The following GULP1 variants were observed in gnomAD, a reference collection of about 807,000 sequenced individuals.
GULP1 encodes the protein PTB domain-containing engulfment adapter protein 1.
GULP1 carries 19 observed loss-of-function variants against 40.9 expected under a neutral mutation model. The ratio of observed to expected loss-of-function variants is 0.46; its 90% CI spans 0.32 to 0.68. The LOEUF is 0.68. Among genes scored for constraint, GULP1 ranks in the 30% least tolerant of loss-of-function variants. The pLI is 0.03. For missense variants in GULP1, 312 were observed against 362.2 expected (o/e 0.86, Z 1.12); for synonymous variants, 119 against 117.6 (o/e 1.01, Z -0.08).
chr2:188,519,032 A>T (rs2065464508), intron 4 of GULP1, among the ~76,000 whole-genome samples: 1 of 152,142 alleles, frequency 6.6e-6, no homozygotes, highest in Non-Finnish European at 1.5e-5. Flanking sequence ...TTTAATCTAT[A>T]TATCATGATT....
Position 188,384,878 on chromosome 2 carries a change from A to C in GULP1, c.-45+989A>C, listed in dbSNP as rs372026916. On this transcript the variant is annotated intron_variant, in intron 2 of 11. Transcript: ENST00000409830. ...TCTCACATCCAGATCACGCTGATGT[A>C]AGAGGTGAGTTCCCATGGTCTTGGG... Among the ~76,000 whole-genome samples, 33 of 152,324 alleles carry C rather than the reference A, an allele frequency of 2.2e-4. 1 individual carries two copies. The highest frequency in any genetic ancestry group is 7.9e-4 in the African/African-American group (33 of 41,584).
At chr2:188,364,023 G>C (rs1201521470) in intron 1 of GULP1, among the ~76,000 whole-genome samples, 1 of 152,180 alleles carries the variant, frequency 6.6e-6, no homozygotes, top group Non-Finnish European at 1.5e-5. Flanking sequence ...TACATTCAGT[G>C]CACTTAATGT....
chr2:188,560,936 C>T (rs1436457371), intron 7 of GULP1, among the ~76,000 whole-genome samples: 1 of 152,208 alleles, frequency 6.6e-6, no homozygotes, highest in Non-Finnish European at 1.5e-5. Flanking sequence ...AGAAATTCAC[C>T]CCCATGATCC....
intron 1 of GULP1, among the ~76,000 whole-genome samples, chr2:188,354,559 T>G (rs1275530134): frequency 6.6e-6 from 1 of 152,118 alleles, no homozygotes; most frequent in African/African-American, 2.4e-5. Context: ...GCCTAGGACC[T>G]CAGCTTCACA....
intron 2 of GULP1, among the ~76,000 whole-genome samples, chr2:188,414,062 C>T (rs556104645): frequency 1.3e-5 from 2 of 151,690 alleles, no homozygotes; most frequent in African/African-American, 4.8e-5. Flanking sequence ...ACTAAAAATA[C>T]AAAAATTAGT....
chr2:188,404,813 C>G (rs1303624389), intron 2 of GULP1, among the ~76,000 whole-genome samples: 3 of 152,140 alleles, frequency 2.0e-5, no homozygotes, highest in African/African-American at 4.8e-5. Context: ...CAGGCCCACC[C>G]TAGGTTCCAG....
chr2:188,395,292 T>C (rs1416901688), intron 2 of GULP1, among the ~76,000 whole-genome samples: 1 of 152,230 alleles, frequency 6.6e-6, no homozygotes, highest in Non-Finnish European at 1.5e-5. Context: ...TCTGCACAAA[T>C]GTGCATATTC....
rs1010379796 is a variant in GULP1 at position 188,292,815 on chromosome 2, G to A, written c.-172+649G>A. 1.3e-5 allele frequency: 2 copies of A among 152,524 alleles called. No homozygotes were observed. The highest frequency in any genetic ancestry group is 1.9e-4 in the East Asian group (1 of 5,180). 9.4% of individuals were successfully genotyped at this position (152,524 alleles called of 1,614,324 possible). On this transcript the variant is annotated intron_variant, in intron 1 of 11. Transcript: ENST00000409830. The surrounding 1 kb of genome is among the most constrained non-coding windows in gnomAD (Gnocchi z 4.0). ...CACATGGTTACCCTTCTGCTGCGCG[G>A]GTCAAGTAGCTTCTTCTGGAGGGCG... is the stretch of plus-strand genomic sequence containing the variant.
At chr2:188,382,921 A>G (rs770916376) in intron 1 of GULP1, among the ~76,000 whole-genome samples, 8 of 152,288 alleles carry the variant, frequency 5.3e-5, no homozygotes, top group Admixed American at 1.3e-4. Context: ...AGATAAAATA[A>G]TATTTGAGAT....
At chr2:188,371,287 A>G (rs2047571149) in intron 1 of GULP1, among the ~76,000 whole-genome samples, 1 of 152,172 alleles carries the variant, frequency 6.6e-6, no homozygotes, top group Non-Finnish European at 1.5e-5. Context: ...AATAGCTTAG[A>G]ATGGTTTTCT....
At chr2:188,464,253 A>G (rs1334396179) in intron 2 of GULP1, among the ~76,000 whole-genome samples, 3 of 152,166 alleles carry the variant, frequency 2.0e-5, no homozygotes, top group African/African-American at 7.2e-5. Context: ...TGTGGTTCTT[A>G]TAGACTCATA....
intron 9 of GULP1, among the ~76,000 whole-genome samples, chr2:188,572,535 A>G (rs1282200942): frequency 6.6e-6 from 1 of 152,194 alleles, no homozygotes; most frequent in Non-Finnish European, 1.5e-5. Flanking sequence ...CTTGATCATT[A>G]TGGAAATAAC....
At chr2:188,315,734 A>G (rs996432306) in intron 1 of GULP1, among the ~76,000 whole-genome samples, 2 of 152,120 alleles carry the variant, frequency 1.3e-5, no homozygotes, top group Admixed American at 1.3e-4. Flanking sequence ...ATACCAATCT[A>G]TGATAAGGTT....
chr2:188,440,182 C>G (rs187988108), intron 2 of GULP1, among the ~76,000 whole-genome samples: 7 of 152,294 alleles, frequency 4.6e-5, no homozygotes, highest in African/African-American at 1.4e-4. Context: ...TCACAGTGTT[C>G]ATTAGATAAA....
Position 188,294,962 on chromosome 2 carries a change from T to G in GULP1, c.-172+2796T>G, listed in dbSNP as rs192986859. ...ATTTATAAAAATTACCACTTTTACA[T>G]TTTAATCATAGCTTTAATTTAATCA... is the stretch of plus-strand genomic sequence containing the variant. On this transcript the variant is annotated intron_variant, in intron 1 of 11. Coordinates refer to ENST00000409830, the MANE Select transcript of GULP1 (RefSeq NM_016315.4). Among the ~76,000 whole-genome samples the G allele has an allele frequency of 2.2e-3, 332 of 152,336 alleles. 3 individuals are homozygous for G. The highest frequency in any genetic ancestry group is 3.5e-3 in the Non-Finnish European group (240 of 68,022).
chr2:188,308,123 TTC>T (rs759761350), intron 1 of GULP1, among the ~76,000 whole-genome samples: 460 of 35,904 alleles, frequency 0.013, 4 homozygotes, highest in African/African-American at 0.03. Flanking sequence ...ATTTTTTTTT[TTC>T]CCCCGGTGGC....
intron 4 of GULP1, among the ~76,000 whole-genome samples, chr2:188,511,512 C>G (rs2064537009): frequency 1.3e-5 from 2 of 152,262 alleles, no homozygotes; most frequent in South Asian, 4.1e-4. Context: ...ACCTGTCTCA[C>G]TCTTCAGATG....
At chr2:188,314,708 T>A (rs936112848) in intron 1 of GULP1, among the ~76,000 whole-genome samples, 1 of 152,188 alleles carries the variant, frequency 6.6e-6, no homozygotes, top group South Asian at 2.1e-4. Context: ...CCCTTAACAA[T>A]GGTTTTGTTT....
intron 4 of GULP1, among the ~76,000 whole-genome samples, chr2:188,503,111 T>A (rs2063584435): frequency 6.6e-6 from 1 of 151,784 alleles, no homozygotes; most frequent in Non-Finnish European, 1.5e-5. Flanking sequence ...TTTGAGGGAG[T>A]ACAGTATTTA....
Sources: gnomAD v4.1 joint callset for allele counts (sites outside exome capture counted in the v4.1 genomes callset) on GRCh38, gnomAD v4.1.1 for gene constraint, Gnocchi (gnomAD v3.1) non-coding constraint, MANE v1.5 for transcripts, NCBI Gene and HGNC (gene_info 2026-07-23, HGNC 2026-07-21) for gene names.